The following PKHD1 variants were observed in gnomAD, a reference collection of about 807,000 sequenced individuals.
The protein encoded by PKHD1 is fibrocystin.
PKHD1 carries 291 observed loss-of-function variants against 412.0 expected under a neutral mutation model. That is an observed-to-expected ratio of 0.71 (90% CI 0.64 to 0.78). The LOEUF (loss-of-function observed/expected upper bound fraction) is 0.78. PKHD1 is among the 30% of genes least tolerant of loss of function. The pLI is 0.00. For missense variants in PKHD1, 4,825 were observed against 4,950.7 expected (o/e 0.97, Z 0.76); for synonymous variants, 1,777 against 1,821.5 (o/e 0.98, Z 0.62).
intron 48 of PKHD1, 74 bp from the exon 49 acceptor site, chr6:51,856,144 T>C: frequency 2.3e-6 from 2 of 878,162 alleles, no homozygotes; most frequent in East Asian, 2.4e-5. Flanking sequence ...ACATTCCTCT[T>C]TCATCAATTG....
intron 4 of PKHD1, among the ~76,000 whole-genome samples, chr6:52,081,334 A>C (rs1314626554): frequency 3.9e-5 from 6 of 152,342 alleles, no homozygotes; most frequent in Non-Finnish European, 8.8e-5. Flanking sequence ...GTGGTATAAA[A>C]ATGTTAAATT....
Position 52,025,594 on chromosome 6 carries a change from T to C in PKHD1, c.4216A>G (p.Ile1406Val). The change falls in exon 32 of 67, where the codon ATA becomes GTA. Residue 1406 changes from isoleucine to valine, a missense_variant. Physicochemically the swap from Ile to Val is conservative, Grantham distance 29. Transcript: ENST00000371117. Reference sequence around the variant, plus strand: ...AGAAGCAACCCCCTCACAGTAAGTATGGTCCCACCACATGCCGAACCCTGC... The same window carrying C: ...AGAAGCAACCCCCTCACAGTAAGTACGGTCCCACCACATGCCGAACCCTGC... ...PSQGSACGGT[I>V]LTVRGLLLNS... 1.2e-6 allele frequency: 2 copies of C among 1,614,164 alleles called. No individual in the cohort carries two copies. Among genetic ancestry groups the C allele is most frequent in the Non-Finnish European group, 1.7e-6 (2 of 1,180,036 alleles).
chr6:52,044,699 T>C (rs1581920226), intron 25 of PKHD1, among the ~76,000 whole-genome samples: 1 of 152,328 alleles, frequency 6.6e-6, no homozygotes, highest in East Asian at 1.9e-4. Flanking sequence ...ATAAATCATA[T>C]TTAGCTATAG....
At chr6:51,731,073 A>G (rs1195371940) in intron 60 of PKHD1, among the ~76,000 whole-genome samples, 1 of 152,134 alleles carries the variant, frequency 6.6e-6, no homozygotes, top group Non-Finnish European at 1.5e-5. Context: ...GGTGTGCACC[A>G]CCACACCTGG....
intron 37 of PKHD1, among the ~76,000 whole-genome samples, chr6:51,923,008 C>T (rs1271738208): frequency 6.6e-6 from 1 of 152,178 alleles, no homozygotes; most frequent in African/African-American, 2.4e-5. Flanking sequence ...GCAGAAATCA[C>T]CCATCTTCTG....
chr6:51,666,720 G>T (rs1273400945), intron 60 of PKHD1, among the ~76,000 whole-genome samples: 1 of 122,716 alleles, frequency 8.1e-6, no homozygotes, highest in Admixed American at 1.1e-4. Context: ...ACAGTCCCCA[G>T]AGTGCGATGT....
chr6:51,752,324 C>A (rs1170465241), intron 57 of PKHD1, among the ~76,000 whole-genome samples: 1 of 152,172 alleles, frequency 6.6e-6, no homozygotes, highest in East Asian at 1.9e-4. Flanking sequence ...ATGCCAGAAG[C>A]TCCCTCAAGT....
At chr6:51,685,516 A>G (rs1256043546) in intron 60 of PKHD1, among the ~76,000 whole-genome samples, 1 of 152,104 alleles carries the variant, frequency 6.6e-6, no homozygotes, top group African/African-American at 2.4e-5. Flanking sequence ...TTTTTAAAGA[A>G]TTTTTACTAC....
At chr6:51,826,040 T>A (rs1767244575) in intron 52 of PKHD1, among the ~76,000 whole-genome samples, 1 of 152,126 alleles carries the variant, frequency 6.6e-6, no homozygotes, top group Admixed American at 6.5e-5. Flanking sequence ...TAATCTCAGA[T>A]AAGAAAAAGG....
chr6:52,053,497 C>T (rs1004223944), intron 20 of PKHD1, among the ~76,000 whole-genome samples: 19 of 152,216 alleles, frequency 1.2e-4, no homozygotes, highest in African/African-American at 4.6e-4. Flanking sequence ...CCATGACATG[C>T]AATGTCAGCA....
At position 51,911,852 on chromosome 6, in the gene PKHD1, G is replaced by A; in HGVS notation, c.6437C>T (p.Thr2146Ile). 1 of 1,612,562 alleles carries A rather than the reference G, an allele frequency of 6.2e-7. No homozygotes were observed. Among genetic ancestry groups the A allele is most frequent in the Non-Finnish European group, 8.5e-7 (1 of 1,178,906 alleles). ...SRSITIQGNL[T>I]NEREKLLVSC... ...AACAAGCAGCTTCTCCCTCTCATTA[G>A]TGAGATTTCCTTGTATGGTAATACT... is the stretch of plus-strand genomic sequence containing the variant. The change falls in exon 39 of 67, where the codon ACT becomes ATT. Residue 2146 changes from threonine (T) to isoleucine (I), a missense_variant. Thr to Ile is a moderately conservative substitution (Grantham distance 89). Coordinates refer to ENST00000371117, the MANE Select transcript of PKHD1 (RefSeq NM_138694.4).
intron 50 of PKHD1, among the ~76,000 whole-genome samples, chr6:51,846,370 G>A (rs1192919563): frequency 6.6e-6 from 1 of 152,242 alleles, no homozygotes; most frequent in East Asian, 1.9e-4. Context: ...TGGCCACCTT[G>A]GGCTTGTGGC....
intron 53 of PKHD1, among the ~76,000 whole-genome samples, chr6:51,779,236 A>C (rs1791570243): frequency 1.3e-5 from 2 of 152,242 alleles, no homozygotes; most frequent in South Asian, 4.1e-4. Context: ...ACTTTTTGAC[A>C]CACTTAATAG....
At position 52,054,038 on chromosome 6, in the gene PKHD1, C is replaced by T. The variant is rs748780860; in HGVS notation, c.1964G>A (p.Ser655Asn). 2 of 1,613,882 alleles carry T rather than the reference C, an allele frequency of 1.2e-6. No individual in the cohort carries two copies. The highest frequency in any genetic ancestry group is 1.7e-5 in the Admixed American group (1 of 60,018). ...CCACGCCTCCCCACCGATTAGCTAC[C>T]TCTCGGGGCTGGTCCTCGTGAGACT... ...DWSLTRTSPE[S>N]WQFDCTDLWE... The change falls in exon 20 of 67, where the codon AGC becomes AAC. Residue 655 changes from serine to asparagine, a missense_variant and splice_region_variant. Physicochemically the swap from Ser to Asn is conservative, Grantham distance 46. Transcript: ENST00000371117.
chr6:52,072,942 A>G (rs1260102199), intron 7 of PKHD1, among the ~76,000 whole-genome samples: 2 of 152,290 alleles, frequency 1.3e-5, no homozygotes, highest in East Asian at 3.9e-4. Context: ...TTTAATAGTA[A>G]CACTTTCCAC....
At chr6:51,727,264 T>C (rs996772791) in intron 60 of PKHD1, among the ~76,000 whole-genome samples, 2 of 152,210 alleles carry the variant, frequency 1.3e-5, no homozygotes, top group Non-Finnish European at 2.9e-5. Flanking sequence ...CATATGTTAC[T>C]GATGGAAGGT....
At chr6:51,818,959 C>T (rs1167824713) in intron 52 of PKHD1, among the ~76,000 whole-genome samples, 5 of 152,120 alleles carry the variant, frequency 3.3e-5, no homozygotes, top group Non-Finnish European at 1.5e-5. Flanking sequence ...CTATCAACCT[C>T]GTACCATAAT....
intron 53 of PKHD1, among the ~76,000 whole-genome samples, chr6:51,790,043 A>G (rs7755343): frequency 6.6e-6 from 1 of 151,466 alleles, no homozygotes; most frequent in Admixed American, 6.6e-5. Context: ...TTTCAGAAAT[A>G]TTTTTACAGT....
chr6:51,840,332 A>G (rs1226419906), intron 50 of PKHD1, among the ~76,000 whole-genome samples: 1 of 152,162 alleles, frequency 6.6e-6, no homozygotes, highest in African/African-American at 2.4e-5. Flanking sequence ...GAAATAGTAT[A>G]TGAAAATCCT....
Sources: gnomAD v4.1 joint callset for allele counts (sites outside exome capture counted in the v4.1 genomes callset) on GRCh38, gnomAD v4.1.1 for gene constraint, MANE v1.5 for transcripts, NCBI Gene and HGNC (gene_info 2026-07-23, HGNC 2026-07-21) for gene names.